SNRPD3: variants seen among roughly 807,000 people sequenced by gnomAD.
SNRPD3 encodes small nuclear ribonucleoprotein D3 polypeptide, also known as small nuclear ribonucleoprotein Sm D3.
For synonymous variants in SNRPD3, 66 were observed against 58.4 expected, an observed-to-expected ratio of 1.13 and a Z score of -0.59; for missense variants, 73 against 167.5, an observed-to-expected ratio of 0.44 and a Z score of 3.11.
In SNRPD3 at chr22:24,574,890, A is replaced by C. The variant is rs113359726; in HGVS notation, c.*2913A>C. Reference sequence around the variant, plus strand: ...GCCCACCATGAATTTACTTCCTCTCACCCATCTCCCTGATATTGTAATTCT... The same window carrying C: ...GCCCACCATGAATTTACTTCCTCTCCCCCATCTCCCTGATATTGTAATTCT... On this transcript the variant is annotated 3_prime_UTR_variant, in exon 4 of 4. Transcript: ENST00000215829. 2.0e-5 allele frequency among the ~76,000 whole-genome samples: 3 copies of C among 152,060 alleles called. No individual in the cohort carries two copies. The highest frequency in any genetic ancestry group is 7.2e-5 in the African/African-American group (3 of 41,476).
At position 24,568,068 on chromosome 22, in the gene SNRPD3, C is replaced by G. The variant is rs1249138904; in HGVS notation, c.211C>G (p.Leu71Val). The change falls in exon 3 of 4, where the codon CTG becomes GTG. Residue 71 changes from leucine (L) to valine (V), a missense_variant. Leu to Val is a conservative substitution (Grantham distance 32). Coordinates refer to ENST00000215829, the MANE Select transcript of SNRPD3 (RefSeq NM_004175.5). ...CATCCGTGGCAGCAAAATCCGCTTTCTGATTTTGCCTGACATGCTGAAGAA... is the reference window on the plus strand; with the variant it reads ...CATCCGTGGCAGCAAAATCCGCTTTGTGATTTTGCCTGACATGCTGAAGAA... ...VYIRGSKIRF[L>V]ILPDMLKNAP... is the part of the protein sequence containing the mutation. 1 of 1,613,846 alleles carries G rather than the reference C, an allele frequency of 6.2e-7. No individual in the cohort carries two copies. Among genetic ancestry groups the G allele is most frequent in the Non-Finnish European group, 8.5e-7 (1 of 1,179,916 alleles).
Position 24,560,715 on chromosome 22 carries a change from C to CCT in SNRPD3, c.126+2915_126+2916insCT, listed in dbSNP as rs1569024539. Among the ~76,000 whole-genome samples, 16 of 98,864 alleles carry CCT rather than the reference C, an allele frequency of 1.6e-4. 6 individuals carry two copies. Among genetic ancestry groups the CCT allele is most frequent in the South Asian group, 7.2e-4 (2 of 2,776 alleles). 64.9% of individuals were successfully genotyped at this position (98,864 alleles called of 152,430 possible). A position where few individuals can be genotyped will look rare whatever the true frequency, so the allele number is the denominator to read the frequency against. ...ACAGGCGTGAGCCACTGCACCTGGC[C>CCT]TTTTTTTTTTTTTTTTTTTTTTTTT... is the stretch of plus-strand genomic sequence containing the variant. On this transcript the variant is annotated intron_variant, in intron 2 of 3. Transcript: ENST00000215829.
upstream of SNRPD3, chr22:24,555,861 G>A (rs539241589): frequency 1.6e-5 from 24 of 1,528,622 alleles, no homozygotes; most frequent in African/African-American, 1.9e-4. Flanking sequence ...TATCGTACTG[G>A]TGCCCTAGTT....
At chr22:24,556,759 C>G (rs975717120) in intron 1 of SNRPD3, among the ~76,000 whole-genome samples, 1 of 152,258 alleles carries the variant, frequency 6.6e-6, no homozygotes, top group Non-Finnish European at 1.5e-5. Flanking sequence ...ACTCCTAAGG[C>G]TGAAAGCCAG....
intron 3 of SNRPD3, among the ~76,000 whole-genome samples, chr22:24,569,599 G>T (rs1259709157): frequency 6.6e-6 from 1 of 152,162 alleles, no homozygotes; most frequent in Non-Finnish European, 1.5e-5. Flanking sequence ...CCTGGAGATA[G>T]CCTGAAAAAC....
Position 24,556,237 on chromosome 22 carries a change from A to G in SNRPD3, c.-19+166A>G, listed in dbSNP as rs117915054. 9.1e-3 allele frequency among the ~76,000 whole-genome samples: 1,392 copies of G among 152,296 alleles called. 12 individuals carry two copies. The highest frequency in any genetic ancestry group is 0.013 in the Non-Finnish European group (893 of 68,020). On this transcript the variant is annotated intron_variant, in intron 1 of 3. Coordinates refer to ENST00000215829, the MANE Select transcript of SNRPD3 (RefSeq NM_004175.5). ...CTCACTAGCTCCTGGAAGTAAGTTC[A>G]TTAGCTTTCCCCTCAACGTGCATGC...
chr22:24,563,421 A>G (rs1367046869), intron 2 of SNRPD3, among the ~76,000 whole-genome samples: 1 of 151,984 alleles, frequency 6.6e-6, no homozygotes, highest in Non-Finnish European at 1.5e-5. Context: ...CTGGGAAGGC[A>G]GGGAGCTTTT....
intron 2 of SNRPD3, among the ~76,000 whole-genome samples, chr22:24,564,837 A>G (rs2045180357): frequency 6.7e-6 from 1 of 150,276 alleles, no homozygotes; most frequent in Non-Finnish European, 1.5e-5. Flanking sequence ...AGTCTCTATT[A>G]TGTATTAGGC....
intron 2 of SNRPD3, among the ~76,000 whole-genome samples, chr22:24,561,054 T>TTTTTC (rs1452688304): frequency 7.9e-5 from 11 of 139,198 alleles, no homozygotes; most frequent in South Asian, 2.2e-4. Context: ...TTTCTTTTCC[T>TTTTTC]TTTTCTTTTC....
At chr22:24,555,713 C>T (rs1284067033), upstream of SNRPD3, 1 of 1,550,704 alleles carries the variant, frequency 6.4e-7, no homozygotes, top group Non-Finnish European at 8.7e-7. Flanking sequence ...AGCCCCGCGT[C>T]TCCGCCTTGC....
chr22:24,565,479 T>C (rs1261257896), intron 2 of SNRPD3, among the ~76,000 whole-genome samples: 1 of 152,170 alleles, frequency 6.6e-6, no homozygotes, highest in African/African-American at 2.4e-5. Context: ...GTCTTGTATT[T>C]TCAAAACTCA....
intron 3 of SNRPD3, among the ~76,000 whole-genome samples, chr22:24,571,275 G>C (rs1222526750): frequency 6.6e-6 from 1 of 152,164 alleles, no homozygotes; most frequent in Non-Finnish European, 1.5e-5. Context: ...CCAGCCCCAA[G>C]GATTTGTCTT....
rs2045271046 is a variant in SNRPD3, at chr22:24,574,224, A to G, written c.*2247A>G. On this transcript the variant is annotated 3_prime_UTR_variant, in exon 4 of 4. Transcript: ENST00000215829. ...GATGTAGTTCACTCTGGACCCGTAC[A>G]GGAACACCAGCCTTGCAGATTCTCC... Among the ~76,000 whole-genome samples the G allele has an allele frequency of 6.6e-6, 1 of 152,244 alleles. No individual in the cohort carries two copies. The highest frequency in any genetic ancestry group is 2.4e-5 in the African/African-American group (1 of 41,458).
At chr22:24,560,227 C>T (rs1408550336) in intron 2 of SNRPD3, among the ~76,000 whole-genome samples, 1 of 147,150 alleles carries the variant, frequency 6.8e-6, no homozygotes. Context: ...AGCGATTCTC[C>T]TGCCTCAGCC....
At chr22:24,557,059 G>C (rs1376347211) in intron 1 of SNRPD3, among the ~76,000 whole-genome samples, 1 of 152,204 alleles carries the variant, frequency 6.6e-6, no homozygotes, top group Non-Finnish European at 1.5e-5. Context: ...ATGGTCCTTT[G>C]GTCTGTATCT....
chr22:24,564,801 C>T (rs1452751784), intron 2 of SNRPD3, among the ~76,000 whole-genome samples: 1 of 151,792 alleles, frequency 6.6e-6, no homozygotes, highest in Non-Finnish European at 1.5e-5. Flanking sequence ...CACATTTTAG[C>T]TGTCAATCAG....
intron 1 of SNRPD3, 132 bp downstream of exon 1, chr22:24,556,203 C>T: frequency 5.6e-6 from 2 of 359,774 alleles, no homozygotes; most frequent in Non-Finnish European, 1.0e-5. Flanking sequence ...ACCCAAACAT[C>T]AGCGTCGCCT....
At position 24,572,617 on chromosome 22, in the gene SNRPD3, C is replaced by G. The variant is rs1395686241; in HGVS notation, c.*640C>G. 1 of 165,540 alleles carries G rather than the reference C, an allele frequency of 6.0e-6. No homozygotes were observed. The highest frequency in any genetic ancestry group is 1.7e-4 in the East Asian group (1 of 5,732). 10.3% of individuals were successfully genotyped at this position (165,540 alleles called of 1,614,324 possible). A position where few individuals can be genotyped will look rare whatever the true frequency, so the allele number is the denominator to read the frequency against. ...GTGTACTAAAAATAAAAAAATTAGCCGGGTGCGGTGGCATGTACCTGTAGT... is the reference window on the plus strand; with the variant it reads ...GTGTACTAAAAATAAAAAAATTAGCGGGGTGCGGTGGCATGTACCTGTAGT... On this transcript the variant is annotated 3_prime_UTR_variant, in exon 4 of 4. Coordinates refer to ENST00000215829, the MANE Select transcript of SNRPD3 (RefSeq NM_004175.5).
intron 2 of SNRPD3, among the ~76,000 whole-genome samples, chr22:24,558,686 TG>T (rs2045103563): frequency 6.6e-6 from 1 of 152,114 alleles, no homozygotes; most frequent in African/African-American, 2.4e-5. Context: ...CTGGTCTGAC[TG>T]GTGAAATGAG....
Sources: gnomAD v4.1 joint callset for allele counts (sites outside exome capture counted in the v4.1 genomes callset) on GRCh38, gnomAD v4.1.1 for gene constraint, MANE v1.5 for transcripts, NCBI Gene and HGNC (gene_info 2026-07-23, HGNC 2026-07-21) for gene names.